SCARF1: variants seen among roughly 807,000 people sequenced by gnomAD.
SCARF1 encodes acetyl LDL receptor.
A neutral mutation model predicts 76.3 loss-of-function variants in SCARF1; 49 were observed. The ratio of observed to expected loss-of-function variants is 0.64; its 90% confidence interval spans 0.51 to 0.81. SCARF1 has a LOEUF of 0.81. SCARF1 is among the 40% of genes least tolerant of loss of function. The probability of loss-of-function intolerance (pLI) is 0.00; values close to 1 mark genes in which losing one functional copy is unlikely to be tolerated. For missense variants in SCARF1, 1,098 were observed against 1,143.9 expected, an observed-to-expected ratio of 0.96 and a Z score of 0.58; for synonymous variants, 495 against 474.6, an observed-to-expected ratio of 1.04 and a Z score of -0.56.
rs371739395 is a variant in SCARF1, at chr17:1,640,291, C to T, written c.1010+157G>A. ...GAGCTGGGATCCTGCCCAGGCCCCC[C>T]CAGAACCCACTGCTCTCCCCCAGTC... On this transcript the variant is annotated intron_variant, in intron 5 of 10. Coordinates refer to ENST00000263071, the MANE Select transcript of SCARF1 (RefSeq NM_003693.4). This position sits in a 1 kb window ranked among gnomAD's most constrained non-coding sequence, Gnocchi z 4.7. 100 of 817,340 alleles carry T rather than the reference C, an allele frequency of 1.2e-4. No homozygotes were observed. The African/African-American group carries it at 1.5e-3, about 13-fold the overall frequency. The allele number at this position is 817,340 out of a possible 1,614,324, so 50.6% of individuals were successfully genotyped here. A position where few individuals can be genotyped will look rare whatever the true frequency, so the allele number is the denominator to read the frequency against.
At chr17:1,643,273 CCCGCCCCGCCCACCGGT>C (rs1910215231) in intron 4 of SCARF1, 152 bp downstream of exon 4, 1 of 39,232 alleles carries the variant, frequency 2.5e-5, no homozygotes, top group African/African-American at 3.6e-4. Context: ...CCCACCGGTG[CCCGCCCCGCCCACCGGT>C]GTCCGCCCCG....
intron 4 of SCARF1, among the ~76,000 whole-genome samples, chr17:1,642,655 A>G (rs1910147555): frequency 6.6e-6 from 1 of 152,146 alleles, no homozygotes; most frequent in Non-Finnish European, 1.5e-5. Flanking sequence ...CACAGCAGTA[A>G]TCAATGAAAT....
chr17:1,639,810 A>G, intron 6 of SCARF1, 68 bp from the exon 7 acceptor site: 1 of 1,607,764 alleles, frequency 6.2e-7, no homozygotes, highest in Non-Finnish European at 8.5e-7. Flanking sequence ...GGAGACGGGC[A>G]GGGAGATTTC....
In SCARF1 at chr17:1,635,016, A is replaced by C; in HGVS notation, c.2235T>G (p.Leu745=). The C allele has an allele frequency of 6.2e-7, 1 of 1,613,858 alleles. No homozygotes were observed. Among genetic ancestry groups the C allele is most frequent in the South Asian group, 1.1e-5 (1 of 91,080 alleles). The change falls in exon 11 of 11, where the codon CTT becomes CTG. Residue 745 remains leucine (L), a synonymous_variant. Coordinates refer to ENST00000263071, the MANE Select transcript of SCARF1 (RefSeq NM_003693.4). ...GGCTCTGGCCGACAGAGCCAGAGGC[A>C]AGGCCAGGGCTGCCCTTTTTCCGAT... ...ALNRKKGSPG[L]ASGSVGQSPN...
At chr17:1,638,248 G>C (rs1047670334) in intron 8 of SCARF1, 1 of 152,366 alleles carries the variant, frequency 6.6e-6, no homozygotes, top group African/African-American at 2.4e-5. Flanking sequence ...AGCCCCCTGC[G>C]CGGGCCCCAC....
In SCARF1 at chr17:1,638,872, A is replaced by G. The variant is rs756470906; in HGVS notation, c.1298T>C (p.Leu433Pro). 1 of 1,610,520 alleles carries G rather than the reference A, an allele frequency of 6.2e-7. No homozygotes were observed. Among genetic ancestry groups the G allele is most frequent in the East Asian group, 2.2e-5 (1 of 44,758 alleles). Residue 433 changes from leucine (L) to proline (P), a missense_variant, in exon 8 of 11, where the codon CTG (leucine) becomes CCG (proline). Physicochemically the swap from Leu to Pro is moderately conservative, Grantham distance 98. Transcript: ENST00000263071. The part of the protein sequence containing the change: ...LIAGSLVPLL[L>P]LFLGLACCAC... ...ACAGCAGGCAAGGCCCAGGAAGAGC[A>G]GCAGCAGAGGCACAAGGCTGCCCGC...
intron 8 of SCARF1, 84 bp downstream of exon 8, chr17:1,638,722 C>T: frequency 2.1e-6 from 3 of 1,435,352 alleles, no homozygotes; most frequent in Non-Finnish European, 2.8e-6. Context: ...GGCCAGCCCT[C>T]CCCACCCCAC....
At position 1,645,639 on chromosome 17, in the gene SCARF1, G is replaced by C. The variant is rs1454177514; in HGVS notation, c.59C>G (p.Ser20Cys). The C allele has an allele frequency of 2.5e-6, 4 of 1,608,952 alleles. No individual in the cohort carries two copies. The highest frequency in any genetic ancestry group is 3.4e-6 in the Non-Finnish European group (4 of 1,179,452). Residue 20 changes from serine to cysteine, a missense_variant, in exon 1 of 11, where the codon TCC (serine) becomes TGC (cysteine). Coordinates refer to ENST00000263071, the MANE Select transcript of SCARF1 (RefSeq NM_003693.4). This position sits in a 1 kb window ranked among gnomAD's most constrained non-coding sequence, Gnocchi z 6.3. ...LLLWTRGTQG[S>C]ELDPKGQHVC... ...GTGCTGCCCTTTGGGGTCCAGCTCG[G>C]ACCCCTGAGTCCCCCGAGTCCAGAG...
At chr17:1,642,831 CTACCGAA>C (rs959189570) in intron 4 of SCARF1, among the ~76,000 whole-genome samples, 22 of 152,342 alleles carry the variant, frequency 1.4e-4, no homozygotes, top group Admixed American at 1.4e-3. Flanking sequence ...CTGTCTCAGC[CTACCGAA>C]TACCTGGGAC....
At position 1,635,134 on chromosome 17, in the gene SCARF1, C is replaced by A. The variant is rs147793367; in HGVS notation, c.2117G>T (p.Arg706Leu). 6.2e-7 allele frequency: 1 copy of A among 1,613,650 alleles called. No individual in the cohort carries two copies. Among genetic ancestry groups the A allele is most frequent in the Non-Finnish European group, 8.5e-7 (1 of 1,180,032 alleles). ...GKPRGSEGPV[R>L]SVFRHFGSFQ... ...GCTACCAAAATGGCGGAAGACAGAG[C>A]GGACAGGGCCTTCGGATCCGCGGGG... The change falls in exon 11 of 11, where the codon CGC (arginine) becomes CTC (leucine). Residue 706 changes from arginine to leucine, a missense_variant. Coordinates refer to ENST00000263071, the MANE Select transcript of SCARF1 (RefSeq NM_003693.4).
chr17:1,635,082 C>G lies in SCARF1; in HGVS notation c.2169G>C (p.Lys723Asn), dbSNP rs771888714. ...GSFQKGQAEA[K>N]VKRAIPKPPR... is the part of the protein sequence containing the mutation. ...GAGGCTTAGGGATGGCCCTCTTGAC[C>G]TTGGCTTCCGCCTGGCCTTTCTGGA... Residue 723 changes from lysine (K) to asparagine (N), a missense_variant, in exon 11 of 11, where the codon AAG (lysine) becomes AAC (asparagine). Lys to Asn is a moderately conservative substitution (Grantham distance 94). Transcript: ENST00000263071. The G allele has an allele frequency of 6.1e-5, 99 of 1,613,888 alleles. 1 individual carries two copies. The Admixed American group carries it at 1.6e-3, about 27-fold the overall frequency.
chr17:1,643,399 CCCCCG>C, intron 4 of SCARF1, 38 bp downstream of exon 4: 1 of 1,141,772 alleles, frequency 8.8e-7, no homozygotes, highest in Non-Finnish European at 1.1e-6. Context: ...CTTGTGTCCG[CCCCCG>C]CCCCGCCAGC....
rs777354163 is a variant in SCARF1, at chr17:1,634,779, GAT to G, written c.2470_2471del (p.Ile824LeufsTer96). The G allele has an allele frequency of 6.3e-7, 1 of 1,598,782 alleles. No homozygotes were observed. The highest frequency in any genetic ancestry group is 2.2e-5 in the East Asian group (1 of 44,498). ...EEPEYENVVPISRPPEP is the reference protein window; with the variant it reads ...EEPEYENVVPXSRPPEP ...GTCATCAGGGTTCTGGTGGCCTGGA[GAT>G]GGGTACAACATTCTCATACTCAGGT... On this transcript the variant is annotated frameshift_variant, in exon 11 of 11. Coordinates refer to ENST00000263071, the MANE Select transcript of SCARF1 (RefSeq NM_003693.4). LOFTEE classifies it high-confidence loss of function.
At position 1,641,760 on chromosome 17, in the gene SCARF1, C is replaced by T. The variant is rs575300556; in HGVS notation, c.792-1094G>A. 1.7e-3 allele frequency among the ~76,000 whole-genome samples: 258 copies of T among 152,282 alleles called. 1 individual carries two copies. The highest frequency in any genetic ancestry group is 6.8e-3 in the Middle Eastern group (2 of 294). On this transcript the variant is annotated intron_variant, in intron 4 of 10. Transcript: ENST00000263071. Reference sequence around the variant, plus strand: ...TCTTCAAGACTGAGTCTCACTCTGTCGCCCAGGCTGGCGTGCAGTGGCGCG... The same window carrying T: ...TCTTCAAGACTGAGTCTCACTCTGTTGCCCAGGCTGGCGTGCAGTGGCGCG...
chr17:1,642,688 G>C (rs1910149274), intron 4 of SCARF1, among the ~76,000 whole-genome samples: 1 of 152,184 alleles, frequency 6.6e-6, no homozygotes, highest in South Asian at 2.1e-4. Context: ...CTGGACCTGG[G>C]GCAACAAAGC....
chr17:1,640,307 TC>T lies in SCARF1; in HGVS notation c.1010+140del. Reference sequence around the variant, plus strand: ...CAGGCCCCCCCAGAACCCACTGCTCTCCCCCAGTCTTCAACAGGAGGGAGGC... The same window carrying T: ...CAGGCCCCCCCAGAACCCACTGCTCTCCCCAGTCTTCAACAGGAGGGAGGC... On this transcript the variant is annotated intron_variant, in intron 5 of 10. Transcript: ENST00000263071. The surrounding 1 kb of genome is among the most constrained non-coding windows in gnomAD (Gnocchi z 4.7). 1.2e-6 allele frequency: 1 copy of T among 858,894 alleles called. No individual in the cohort carries two copies. Among genetic ancestry groups the T allele is most frequent in the Non-Finnish European group, 1.8e-6 (1 of 561,732 alleles). The allele number at this position is 858,894 out of a possible 1,614,324, so 53.2% of individuals were successfully genotyped here. A position where few individuals can be genotyped will look rare whatever the true frequency, so the allele number is the denominator to read the frequency against.
rs1171239476 is a variant in SCARF1 at position 1,643,827 on chromosome 17, C to T, written c.406G>A (p.Gly136Ser). ...GCGGGGTCGCAGCGCCCGTGGGGGCCGCAGGCGCACGGGAACTCGCAGCGG... is the reference window on the plus strand; with the variant it reads ...GCGGGGTCGCAGCGCCCGTGGGGGCTGCAGGCGCACGGGAACTCGCAGCGG... ...GARCEFPCAC[G>S]PHGRCDPATG... The change falls in exon 4 of 11, where the codon GGC becomes AGC. Residue 136 changes from glycine (G) to serine (S), a missense_variant. By Grantham distance (56) the Gly-to-Ser change is moderately conservative. Transcript: ENST00000263071. 32 of 1,268,668 alleles carry T rather than the reference C, an allele frequency of 2.5e-5. No homozygotes were observed. Among genetic ancestry groups the T allele is most frequent in the Middle Eastern group, 6.0e-4 (2 of 3,322 alleles). 78.6% of individuals were successfully genotyped at this position (1,268,668 alleles called of 1,614,324 possible).
Position 1,638,587 on chromosome 17 carries a change from C to T in SCARF1, c.1364+219G>A, listed in dbSNP as rs547420944. On this transcript the variant is annotated intron_variant, in intron 8 of 10. Coordinates refer to ENST00000263071, the MANE Select transcript of SCARF1 (RefSeq NM_003693.4). ...CCAGGCCACGGGCACTGCCAACTAC[C>T]TCCATCACCTCTGACCTACGTGGGC... The T allele has an allele frequency of 2.4e-5, 10 of 416,548 alleles. No individual in the cohort carries two copies. The South Asian group carries it at 7.8e-4, about 32-fold the overall frequency. 25.8% of individuals were successfully genotyped at this position (416,548 alleles called of 1,614,324 possible).
At position 1,645,661 on chromosome 17, in the gene SCARF1, A is replaced by AGAGCAGCAGCAGCGG; in HGVS notation, c.22_36dup (p.Pro8_Leu12dup). 1.9e-6 allele frequency: 3 copies of AGAGCAGCAGCAGCGG among 1,605,446 alleles called. No individual in the cohort carries two copies. Among genetic ancestry groups the AGAGCAGCAGCAGCGG allele is most frequent in the East Asian group, 2.2e-5 (1 of 44,802 alleles). On this transcript the variant is annotated inframe_insertion, in exon 1 of 11. Coordinates refer to ENST00000263071, the MANE Select transcript of SCARF1 (RefSeq NM_003693.4). This position sits in a 1 kb window ranked among gnomAD's most constrained non-coding sequence, Gnocchi z 6.3. ...TCGGACCCCTGAGTCCCCCGAGTCCAGAGCAGCAGCAGCGGGAGCAGCAGC... is the reference window on the plus strand; with the variant it reads ...TCGGACCCCTGAGTCCCCCGAGTCCAGAGCAGCAGCAGCGGGAGCAGCAGCAGCGGGAGCAGCAGC...
Sources: allele counts gnomAD v4.1 joint callset (sites outside exome capture counted in the v4.1 genomes callset), GRCh38; gene constraint gnomAD v4.1.1; non-coding constraint Gnocchi (gnomAD v3.1); transcripts MANE v1.5; gene names NCBI Gene and HGNC (gene_info 2026-07-23, HGNC 2026-07-21).